The following AIPL1 variants were observed in gnomAD, a reference collection of about 807,000 sequenced individuals.
AIPL1 encodes aryl-hydrocarbon-interacting protein-like 1.
In AIPL1, 23 loss-of-function variants were observed where a neutral mutation model predicts 32.9. The ratio of observed to expected loss-of-function variants is 0.70; its 90% confidence interval spans 0.50 to 0.99. AIPL1 has a LOEUF of 0.99. AIPL1 is among the 50% of genes least tolerant of loss of function. The pLI is 0.00. For synonymous variants in AIPL1, 210 were observed against 209.4 expected, an observed-to-expected ratio of 1.00 and a Z score of -0.02; for missense variants, 485 against 506.0, an observed-to-expected ratio of 0.96 and a Z score of 0.40.
At chr17:6,427,811 T>G (rs945772158) in intron 3 of AIPL1, among the ~76,000 whole-genome samples, 1 of 27,738 alleles carries the variant, frequency 3.6e-5, no homozygotes, top group Non-Finnish European at 1.5e-4. Flanking sequence ...CCAAGTGGAC[T>G]TTTTTTTTTT....
chr17:6,434,959 T>G, intron 1 of AIPL1, 50 bp downstream of exon 1: 1 of 1,613,106 alleles, frequency 6.2e-7, no homozygotes, highest in South Asian at 1.1e-5. Flanking sequence ...ACCTGGAATG[T>G]TGAAAGCTGC....
At chr17:6,430,964 G>C (rs906378731) in intron 2 of AIPL1, among the ~76,000 whole-genome samples, 1 of 151,388 alleles carries the variant, frequency 6.6e-6, no homozygotes, top group African/African-American at 2.5e-5. Flanking sequence ...TGTTGAGTGG[G>C]ATCACCTACT....
rs753988167 is a variant in AIPL1 at position 6,425,597 on chromosome 17, TGGGTGGCTCTGC to T, written c.1006_1017del (p.Ala336_Pro339del). ...GTGGATGACTGTGCGGGTGGCTCTG[TGGGTGGCTCTGC>T]GGGAGGCTGCGTGGCACCCTGGCTC... On this transcript the variant is annotated inframe_deletion, in exon 6 of 6. Coordinates refer to ENST00000381129, the MANE Select transcript of AIPL1 (RefSeq NM_014336.5). 2 of 1,613,396 alleles carry T rather than the reference TGGGTGGCTCTGC, an allele frequency of 1.2e-6. No homozygotes were observed. Among genetic ancestry groups the T allele is most frequent in the East Asian group, 4.5e-5 (2 of 44,866 alleles).
rs61757484 is a variant in AIPL1, at chr17:6,425,489, G to C, written c.1126C>G (p.Pro376Ala). The C allele has an allele frequency of 4.4e-6, 7 of 1,605,394 alleles. No individual in the cohort carries two copies. The African/African-American group carries it at 6.7e-5, about 15-fold the overall frequency. ...PPAEPATEPP[P>A]SPGHSLQH ...TGCTGCAGCGAGTGCCCTGGGGACG[G>C]GGGTGGCTCTGTGGCTGGCTCTGCA... The change falls in exon 6 of 6, where the codon CCG becomes GCG. Residue 376 changes from proline (P) to alanine (A), a missense_variant. By Grantham distance (27) the Pro-to-Ala change is conservative (BLOSUM62 -1). Coordinates refer to ENST00000381129, the MANE Select transcript of AIPL1 (RefSeq NM_014336.5).
chr17:6,433,586 A>ATCTCTCTCTCTCTCTCTCTCTCTCTCTC (rs149646818), intron 2 of AIPL1, among the ~76,000 whole-genome samples: 1 of 65,644 alleles, frequency 1.5e-5, no homozygotes, highest in Admixed American at 1.8e-4. Flanking sequence ...GCGAGACCCT[A>ATCTCTCTCTCTCTCTCTCTCTCTCTCTC]TCTCTCTCTC....
chr17:6,427,053 T>G lies in AIPL1; in HGVS notation c.470A>C (p.Asp157Ala). 6.2e-7 allele frequency: 1 copy of G among 1,614,096 alleles called. No individual in the cohort carries two copies. The highest frequency in any genetic ancestry group is 8.5e-7 in the Non-Finnish European group (1 of 1,180,022). ...LVFVIELLQVDAPSDYQRETW... is the reference protein window; with the variant it reads ...LVFVIELLQVAAPSDYQRETW... ...CTCCCTCTGGTAATCACTCGGGGCA[T>G]CAACCTGGCCCCAGAGCTGCAGGTC... is the stretch of plus-strand genomic sequence containing the variant. The change falls in exon 4 of 6, where the codon GAT (aspartate) becomes GCT (alanine). Residue 157 changes from aspartate (D) to alanine (A), a missense_variant. By Grantham distance (126) the Asp-to-Ala change is moderately radical. Transcript: ENST00000381129.
At position 6,431,172 on chromosome 17, in the gene AIPL1, A is replaced by G. The variant is rs1312367117; in HGVS notation, c.277-2666T>C. 3.3e-5 allele frequency among the ~76,000 whole-genome samples: 5 copies of G among 152,162 alleles called. No individual in the cohort carries two copies. In the East Asian group the frequency reaches 9.6e-4, roughly 29 times the overall value. ...ATCTCAAATTTTTTCTAGGCTGGAC[A>G]TGGTGGCTCACGCCTGTAATCCCAA... On this transcript the variant is annotated intron_variant, in intron 2 of 5. Coordinates refer to ENST00000381129, the MANE Select transcript of AIPL1 (RefSeq NM_014336.5).
At position 6,425,769 on chromosome 17, in the gene AIPL1, C is replaced by T; in HGVS notation, c.846G>A (p.Glu282=). 1 of 1,606,892 alleles carries T rather than the reference C, an allele frequency of 6.2e-7. No homozygotes were observed. The highest frequency in any genetic ancestry group is 8.5e-7 in the Non-Finnish European group (1 of 1,179,990). The change falls in exon 6 of 6, where the codon GAG becomes GAA. Residue 282 remains glutamate, a synonymous_variant. Transcript: ENST00000381129. ...RAHAEVWNEA[E]AKADLQKVLE... ...GCACTTTCTGGAGGTCCGCCTTGGCCTCGGCCTCATTCCACACCTCTGCGT... is the reference window on the plus strand; with the variant it reads ...GCACTTTCTGGAGGTCCGCCTTGGCTTCGGCCTCATTCCACACCTCTGCGT...
At chr17:6,431,617 C>T (rs1179963331) in intron 2 of AIPL1, among the ~76,000 whole-genome samples, 2 of 152,166 alleles carry the variant, frequency 1.3e-5, no homozygotes, top group African/African-American at 4.8e-5. Flanking sequence ...AGACAGAAGA[C>T]GGGACTACCC....
At chr17:6,434,139 T>C in intron 1 of AIPL1, 41 bp from the exon 2 acceptor site, 1 of 1,602,978 alleles carries the variant, frequency 6.2e-7, no homozygotes, top group Non-Finnish European at 8.5e-7. Context: ...GACACACTGT[T>C]CAAGGCCCGG....
chr17:6,428,870 C>T (rs1000841300), intron 2 of AIPL1, among the ~76,000 whole-genome samples: 1 of 152,224 alleles, frequency 6.6e-6, no homozygotes, highest in African/African-American at 2.4e-5. Flanking sequence ...CCCTTGTGGT[C>T]CACTGTAACA....
chr17:6,428,282 G>A (rs1055495791), intron 3 of AIPL1, 36 bp downstream of exon 3: 4 of 1,601,498 alleles, frequency 2.5e-6, no homozygotes, highest in Non-Finnish European at 3.4e-6. Context: ...CTCCAGTGCT[G>A]GCACAGCCCT....
chr17:6,428,472 A>G lies in AIPL1; in HGVS notation c.311T>C (p.Leu104Pro). 2 of 1,613,982 alleles carry G rather than the reference A, an allele frequency of 1.2e-6. No homozygotes were observed. The highest frequency in any genetic ancestry group is 1.7e-6 in the Non-Finnish European group (2 of 1,180,026). The part of the protein sequence containing the change: ...TGVYPILSRS[L>P]RQMAQGKDPT... ...GTCCTTGCCCTGGGCCATCTGCCTC[A>G]GGCTCCGGGATAGGATGGGGTAGAC... Residue 104 changes from leucine to proline, a missense_variant, in exon 3 of 6, where the codon CTG becomes CCG. Leu to Pro is a moderately conservative substitution (Grantham distance 98). Transcript: ENST00000381129.
rs1403455238 is a variant in AIPL1, at chr17:6,434,061, T to C, written c.134A>G (p.Glu45Gly). 5 of 1,613,984 alleles carry C rather than the reference T, an allele frequency of 3.1e-6. No homozygotes were observed. The highest frequency in any genetic ancestry group is 2.5e-6 in the Non-Finnish European group (3 of 1,180,004). ...CCGACTGTCGTCAATGACTGTCCGCTCCTCATCACATTTCATGGTGCGGAA... is the reference window on the plus strand; with the variant it reads ...CCGACTGTCGTCAATGACTGTCCGCCCCTCATCACATTTCATGGTGCGGAA... ...FHFRTMKCDE[E>G]RTVIDDSRQV... is the part of the protein sequence containing the mutation. The change falls in exon 2 of 6, where the codon GAG becomes GGG. Residue 45 changes from glutamate (E) to glycine (G), a missense_variant. Coordinates refer to ENST00000381129, the MANE Select transcript of AIPL1 (RefSeq NM_014336.5).
rs1416782465 is a variant in AIPL1, at chr17:6,428,572, C to T, written c.277-66G>A. 19 of 1,493,488 alleles carry T rather than the reference C, an allele frequency of 1.3e-5. No homozygotes were observed. The Admixed American group carries it at 2.7e-4, about 21-fold the overall frequency. 92.5% of individuals were successfully genotyped at this position (1,493,488 alleles called of 1,614,324 possible). A position where few individuals can be genotyped will look rare whatever the true frequency, so the allele number is the denominator to read the frequency against. On this transcript the variant is annotated intron_variant, in intron 2 of 5. Transcript: ENST00000381129. The stretch of plus-strand genomic sequence containing the variant: ...CCAGAGCTAGGTGGGCCATAAAAGG[C>T]CTCCACTCAGAGCCCCTCCTGGGAG...
rs751231254 is a variant in AIPL1 at position 6,428,456 on chromosome 17, C to T, written c.327G>A (p.Gln109=). Residue 109 remains glutamine, a synonymous_variant, in exon 3 of 6, where the codon CAG becomes CAA. Transcript: ENST00000381129. ...ILSRSLRQMA[Q]GKDPTEWHVH... Reference sequence around the variant, plus strand: ...CGTGCCACTCTGTGGGGTCCTTGCCCTGGGCCATCTGCCTCAGGCTCCGGG... The same window carrying T: ...CGTGCCACTCTGTGGGGTCCTTGCCTTGGGCCATCTGCCTCAGGCTCCGGG... The T allele has an allele frequency of 5.0e-5, 80 of 1,613,908 alleles. No individual in the cohort carries two copies. Among genetic ancestry groups the T allele is most frequent in the Non-Finnish European group, 6.6e-5 (78 of 1,180,044 alleles).
chr17:6,425,584 G>T lies in AIPL1; in HGVS notation c.1031C>A (p.Ala344Glu). The change falls in exon 6 of 6, where the codon GCA becomes GAA. Residue 344 changes from alanine to glutamate, a missense_variant. Coordinates refer to ENST00000381129, the MANE Select transcript of AIPL1 (RefSeq NM_014336.5). ...PPAEPPTEPP[A>E]QSSTEPPAEP... is the part of the protein sequence containing the mutation. ...TGCAGGTGGCTCTGTGGATGACTGT[G>T]CGGGTGGCTCTGTGGGTGGCTCTGC... 1 of 1,613,420 alleles carries T rather than the reference G, an allele frequency of 6.2e-7. No homozygotes were observed.
chr17:6,433,374 A>T (rs895998691), intron 2 of AIPL1, among the ~76,000 whole-genome samples: 3 of 152,120 alleles, frequency 2.0e-5, no homozygotes, highest in African/African-American at 7.2e-5. Flanking sequence ...AGACAGGAGG[A>T]TTGCTTAAGC....
At chr17:6,431,275 T>C (rs117951827) in intron 2 of AIPL1, among the ~76,000 whole-genome samples, 6,093 of 150,796 alleles carry the variant, frequency 0.04, 258 homozygotes, top group South Asian at 0.11. Context: ...GATGAAAACC[T>C]GTCTCTACTA....
Sources: gnomAD v4.1 joint callset for allele counts (sites outside exome capture counted in the v4.1 genomes callset) on GRCh38, gnomAD v4.1.1 for gene constraint, MANE v1.5 for transcripts, NCBI Gene and HGNC (gene_info 2026-07-23, HGNC 2026-07-21) for gene names.